CSMD1: variants seen among roughly 807,000 people sequenced by gnomAD.
CSMD1 encodes the protein CUB and Sushi multiple domains 1.
CSMD1 carries 213 observed loss-of-function variants against 417.5 expected under a neutral mutation model. The ratio of observed to expected loss-of-function variants is 0.51; its 90% CI spans 0.46 to 0.57. CSMD1 has a LOEUF of 0.57. CSMD1 is among the 20% of genes least tolerant of loss of function. The probability of loss-of-function intolerance (pLI) is 0.00; values close to 1 mark genes in which losing one functional copy is unlikely to be tolerated. For missense variants in CSMD1, 6,923 were observed against 4,529.7 expected (o/e 1.53, Z -15.17); for synonymous variants, 2,862 against 1,736.8 (o/e 1.65, Z -16.11).
intron 1 of CSMD1, among the ~76,000 whole-genome samples, chr8:4,958,111 T>C (rs369638491): frequency 2.0e-5 from 3 of 152,218 alleles, no homozygotes. Flanking sequence ...TGTCTCAAAT[T>C]CTATGAGGTC....
intron 2 of CSMD1, among the ~76,000 whole-genome samples, chr8:4,570,674 G>C (rs1004743839): frequency 6.6e-6 from 1 of 152,178 alleles, no homozygotes; most frequent in Non-Finnish European, 1.5e-5. Flanking sequence ...AGTTAAGGAG[G>C]ATTCCCTCTT....
intron 21 of CSMD1, among the ~76,000 whole-genome samples, chr8:3,358,386 T>G (rs1289405594): frequency 1.3e-5 from 2 of 152,204 alleles, no homozygotes; most frequent in African/African-American, 4.8e-5. Context: ...GAACTAGACG[T>G]TGTCCGTATA....
chr8:4,115,469 T>C (rs78990255), intron 3 of CSMD1, among the ~76,000 whole-genome samples: 1 of 152,216 alleles, frequency 6.6e-6, no homozygotes, highest in Non-Finnish European at 1.5e-5. Flanking sequence ...TTTTTATATA[T>C]AATGCTTTAG....
intron 3 of CSMD1, among the ~76,000 whole-genome samples, chr8:4,200,921 G>A (rs775622242): frequency 9.2e-4 from 140 of 152,132 alleles, no homozygotes; most frequent in Non-Finnish European, 1.6e-3. Context: ...TAAAGTATAT[G>A]CATTCATGTC....
At chr8:4,929,747 A>T (rs900975597) in intron 1 of CSMD1, among the ~76,000 whole-genome samples, 2 of 152,172 alleles carry the variant, frequency 1.3e-5, no homozygotes, top group Non-Finnish European at 2.9e-5. Context: ...CATTCACCCT[A>T]AGCCATGGTT....
chr8:4,686,051 GT>G lies in CSMD1; in HGVS notation c.86-48494del, dbSNP rs143027057. ...GTTTTATGAAGGGAGGTAATTGGCA[GT>G]TTTATCTTGTCTTGGATGACTCTGG... is the stretch of plus-strand genomic sequence containing the variant. On this transcript the variant is annotated intron_variant, in intron 1 of 69. Transcript: ENST00000635120. Among the ~76,000 whole-genome samples the G allele has an allele frequency of 2.0e-3, 304 of 152,314 alleles. 3 individuals are homozygous for G. Among genetic ancestry groups the G allele is most frequent in the African/African-American group, 6.8e-3 (282 of 41,566 alleles).
intron 5 of CSMD1, among the ~76,000 whole-genome samples, chr8:3,789,743 T>C (rs1799629912): frequency 6.7e-6 from 1 of 148,686 alleles, no homozygotes; most frequent in Non-Finnish European, 1.5e-5. Flanking sequence ...TTTTTTTTTT[T>C]TTTTTGAGAC....
At chr8:4,151,411 A>G (rs1426798581) in intron 3 of CSMD1, among the ~76,000 whole-genome samples, 1 of 152,350 alleles carries the variant, frequency 6.6e-6, no homozygotes, top group African/African-American at 2.4e-5. Flanking sequence ...ACTCTTTAAA[A>G]ATATAAATAA....
intron 3 of CSMD1, among the ~76,000 whole-genome samples, chr8:4,066,610 T>C (rs1188217606): frequency 1.3e-5 from 2 of 152,212 alleles, no homozygotes; most frequent in Non-Finnish European, 2.9e-5. Flanking sequence ...AGAAGGGAAA[T>C]GTACCACATT....
intron 5 of CSMD1, among the ~76,000 whole-genome samples, chr8:3,904,493 G>A (rs914088516): frequency 5.3e-5 from 8 of 152,316 alleles, no homozygotes; most frequent in Admixed American, 2.0e-4. Context: ...GTTCTACGGT[G>A]CGGCTTGGTA....
intron 5 of CSMD1, among the ~76,000 whole-genome samples, chr8:3,771,599 C>G (rs1465942461): frequency 6.6e-6 from 1 of 152,082 alleles, no homozygotes; most frequent in Non-Finnish European, 1.5e-5. Context: ...GGCAGGGAGT[C>G]AGGCAGCATC....
intron 7 of CSMD1, among the ~76,000 whole-genome samples, chr8:3,691,628 T>C (rs965703189): frequency 6.6e-6 from 1 of 152,208 alleles, no homozygotes; most frequent in African/African-American, 2.4e-5. Context: ...ATATAACAAC[T>C]GACAGTGTTC....
At chr8:3,347,892 T>G in intron 22 of CSMD1, 100 bp downstream of exon 22, 1 of 676,800 alleles carries the variant, frequency 1.5e-6, no homozygotes, top group Non-Finnish European at 2.3e-6. Flanking sequence ...TAAAAATATA[T>G]GTTAATATGT....
chr8:4,597,080 C>A (rs924586988), intron 2 of CSMD1, among the ~76,000 whole-genome samples: 3 of 150,606 alleles, frequency 2.0e-5, no homozygotes, highest in Non-Finnish European at 4.4e-5. Context: ...TCTTTTTCAG[C>A]AGCATGAAAA....
chr8:3,553,593 C>T (rs1168590172), intron 10 of CSMD1, among the ~76,000 whole-genome samples: 2 of 152,164 alleles, frequency 1.3e-5, no homozygotes, highest in Non-Finnish European at 2.9e-5. Context: ...AGAACATAAA[C>T]CATAACTGTG....
At chr8:3,184,390 A>T (rs1463814804) in intron 36 of CSMD1, among the ~76,000 whole-genome samples, 2 of 152,196 alleles carry the variant, frequency 1.3e-5, no homozygotes, top group Non-Finnish European at 2.9e-5. Context: ...ACACAGCCTC[A>T]AAAACTTGAA....
At chr8:3,871,141 A>G (rs1338766480) in intron 5 of CSMD1, among the ~76,000 whole-genome samples, 2 of 152,114 alleles carry the variant, frequency 1.3e-5, no homozygotes, top group Admixed American at 6.5e-5. Flanking sequence ...AAAACAAGTA[A>G]TACCTCACTC....
At chr8:4,025,293 C>T (rs981035247) in intron 4 of CSMD1, among the ~76,000 whole-genome samples, 1 of 152,172 alleles carries the variant, frequency 6.6e-6, no homozygotes, top group African/African-American at 2.4e-5. Context: ...TATCCAAAAT[C>T]CACACAGTGG....
In CSMD1 at chr8:4,061,951, G is replaced by C. The variant is rs957426703; in HGVS notation, c.416-29852C>G. Among the ~76,000 whole-genome samples, 5 of 152,236 alleles carry C rather than the reference G, an allele frequency of 3.3e-5. No individual in the cohort carries two copies. In the South Asian group the frequency reaches 6.2e-4, roughly 19 times the overall value. ...CTGACTAACGAAAGATTCTTCATCA[G>C]CATTATCTTAGTCAGGGGATGCCAA... On this transcript the variant is annotated intron_variant, in intron 3 of 69. Coordinates refer to ENST00000635120, the MANE Select transcript of CSMD1 (RefSeq NM_033225.6).
Sources: gnomAD v4.1 joint callset for allele counts (sites outside exome capture counted in the v4.1 genomes callset) on GRCh38, gnomAD v4.1.1 for gene constraint, MANE v1.5 for transcripts, NCBI Gene and HGNC (gene_info 2026-07-23, HGNC 2026-07-21) for gene names.